PCDHGA3: variants seen among roughly 807,000 people sequenced by gnomAD.
PCDHGA3 encodes the protein protocadherin gamma subfamily A, 3, also known as protocadherin gamma-A3.
In PCDHGA3, 40 loss-of-function variants were observed where a neutral mutation model predicts 58.5. The ratio of observed to expected loss-of-function variants is 0.68; its 90% CI spans 0.53 to 0.89. The LOEUF (loss-of-function observed/expected upper bound fraction) is 0.89. Ranked by LOEUF, PCDHGA3 falls within the 40% of genes least tolerant of loss-of-function variation. The pLI, the probability that PCDHGA3 is intolerant of heterozygous loss-of-function variation, is 0.00. For synonymous variants in PCDHGA3, 530 were observed against 525.7 expected (o/e 1.01, Z -0.11); for missense variants, 1,223 against 1,195.9 (o/e 1.02, Z -0.33).
chr5:141,423,149 A>G (rs763488632), intron 1 of PCDHGA3: 2 of 1,613,554 alleles, frequency 1.2e-6, no homozygotes, highest in Non-Finnish European at 8.5e-7. Context: ...GCGCTCAAGC[A>G]GAGCCTCGTG....
chr5:141,422,338 A>C, intron 1 of PCDHGA3: 1 of 1,550,090 alleles, frequency 6.5e-7, no homozygotes, highest in Non-Finnish European at 8.7e-7. Flanking sequence ...TGCTCTTCTA[A>C]ATGTGCAAGA....
Position 141,366,042 on chromosome 5 carries a change from G to T in PCDHGA3, c.2424+19585G>T, listed in dbSNP as rs1221134506. 8.1e-6 allele frequency: 13 copies of T among 1,614,242 alleles called. No individual in the cohort carries two copies. In the Middle Eastern group the frequency reaches 4.9e-4, roughly 61 times the overall value. The stretch of plus-strand genomic sequence containing the variant: ...CTGTACCCCGCCCTCCCCACAGACG[G>T]TTCCACGGGCGTGGAGCTGGCGCCT... On this transcript the variant is annotated intron_variant, in intron 1 of 3. Transcript: ENST00000253812.
At chr5:141,358,959 G>T (rs190697556) in intron 1 of PCDHGA3, among the ~76,000 whole-genome samples, 1 of 152,196 alleles carries the variant, frequency 6.6e-6, no homozygotes, top group Admixed American at 6.5e-5. Context: ...CTTTCATTTA[G>T]GTTCTGTGAG....
chr5:141,443,788 A>C (rs1468852602), intron 1 of PCDHGA3, among the ~76,000 whole-genome samples: 2 of 152,224 alleles, frequency 1.3e-5, no homozygotes, highest in African/African-American at 4.8e-5. Context: ...AGACAAAAAA[A>C]ATGAAAAGGA....
intron 1 of PCDHGA3, chr5:141,413,618 A>C (rs1188549125): frequency 6.2e-7 from 1 of 1,613,916 alleles, no homozygotes; most frequent in Admixed American, 1.7e-5. Context: ...AAAATTAATG[A>C]AAATGTCGCT....
chr5:141,511,598 A>C lies in PCDHGA3; in HGVS notation c.*425A>C. ...GGTTGGGGTGTTGAAGTACCAAGTA[A>C]CCTACAAGCCTCCTAGTTCTGAAAA... On this transcript the variant is annotated 3_prime_UTR_variant, in exon 4 of 4. Transcript: ENST00000253812. 3.9e-6 allele frequency: 1 copy of C among 255,742 alleles called. No individual in the cohort carries two copies. The highest frequency in any genetic ancestry group is 7.8e-6 in the Non-Finnish European group (1 of 127,952). The allele number at this position is 255,742 out of a possible 1,614,324, so 15.8% of individuals were successfully genotyped here.
intron 1 of PCDHGA3, chr5:141,394,893 G>T: frequency 4.3e-6 from 7 of 1,613,858 alleles, no homozygotes; most frequent in Non-Finnish European, 5.9e-6. Flanking sequence ...ACTCTATCTC[G>T]TGGTGGCAGT....
In PCDHGA3 at chr5:141,476,659, G is replaced by A; in HGVS notation, c.2425-18148G>A. On this transcript the variant is annotated intron_variant, in intron 1 of 3. Coordinates refer to ENST00000253812, the MANE Select transcript of PCDHGA3 (RefSeq NM_018916.4). The surrounding 1 kb of genome is among the most constrained non-coding windows in gnomAD (Gnocchi z 7.6). ...AGCTGAGCCGAAATGAATACTTTGC[G>A]CTTCGCGTGCAGACGCGGGAGGACA... 2 of 1,614,252 alleles carry A rather than the reference G, an allele frequency of 1.2e-6. No homozygotes were observed. Among genetic ancestry groups the A allele is most frequent in the Non-Finnish European group, 8.5e-7 (1 of 1,180,048 alleles).
At chr5:141,381,269 G>A (rs1777099951) in intron 1 of PCDHGA3, among the ~76,000 whole-genome samples, 1 of 152,224 alleles carries the variant, frequency 6.6e-6, no homozygotes, top group Admixed American at 6.5e-5. Flanking sequence ...AACCAAGACT[G>A]TTTCTTGCCA....
chr5:141,361,424 C>G, intron 1 of PCDHGA3: 1 of 1,614,030 alleles, frequency 6.2e-7, no homozygotes, highest in Non-Finnish European at 8.5e-7. Context: ...GGGGGCAAGC[C>G]GCCCCTCTCC....
Position 141,423,756 on chromosome 5 carries a change from G to GA in PCDHGA3, c.2425-71051_2425-71050insA. ...GCCTGTTATGAAAACTGTTTGGGGGGGGGGTGGGGCGGCATATATTTAGTT... is the reference window on the plus strand; with the variant it reads ...GCCTGTTATGAAAACTGTTTGGGGGGAGGGGTGGGGCGGCATATATTTAGTT... On this transcript the variant is annotated intron_variant, in intron 1 of 3. Transcript: ENST00000253812. 2 of 448,622 alleles carry GA rather than the reference G, an allele frequency of 4.5e-6. 1 individual carries two copies. The highest frequency in any genetic ancestry group is 6.1e-6 in the Non-Finnish European group (2 of 329,708). 27.8% of individuals were successfully genotyped at this position (448,622 alleles called of 1,614,324 possible). A position where few individuals can be genotyped will look rare whatever the true frequency, so the allele number is the denominator to read the frequency against.
At chr5:141,375,541 A>C (rs566370523) in intron 1 of PCDHGA3, 1 of 1,613,904 alleles carries the variant, frequency 6.2e-7, no homozygotes, top group South Asian at 1.1e-5. Flanking sequence ...AGAACGCCCA[A>C]GTCTCCTACT....
rs1225473275 is a variant in PCDHGA3 at position 141,512,442 on chromosome 5, TC to T, written c.*1271del. ...GGCCCCTGCCCTCCTGAAGCCTCAG[TC>T]CTTCACCTTGCCAGGTGCCGTTTCT... is the stretch of plus-strand genomic sequence containing the variant. On this transcript the variant is annotated 3_prime_UTR_variant, in exon 4 of 4. Transcript: ENST00000253812. 1 of 152,892 alleles carries T rather than the reference TC, an allele frequency of 6.5e-6. No individual in the cohort carries two copies. Among genetic ancestry groups the T allele is most frequent in the African/African-American group, 2.4e-5 (1 of 41,466 alleles). 9.5% of individuals were successfully genotyped at this position (152,892 alleles called of 1,614,324 possible).
At position 141,511,127 on chromosome 5, in the gene PCDHGA3, G is replaced by C; in HGVS notation, c.2753G>C (p.Gly918Ala). 1 of 1,614,194 alleles carries C rather than the reference G, an allele frequency of 6.2e-7. No individual in the cohort carries two copies. Among genetic ancestry groups the C allele is most frequent in the Non-Finnish European group, 8.5e-7 (1 of 1,180,018 alleles). The change falls in exon 4 of 4, where the codon GGT becomes GCT. Residue 918 changes from glycine to alanine, a missense_variant. Coordinates refer to ENST00000253812, the MANE Select transcript of PCDHGA3 (RefSeq NM_018916.4). ...AGKRDGKAPA[G>A]GNGNKKKSGK... ...AAGCGGGATGGCAAGGCCCCAGCAG[G>C]TGGCAATGGCAACAAGAAGAAGTCG...
Position 141,432,201 on chromosome 5 carries a change from G to T in PCDHGA3, c.2425-62606G>T, listed in dbSNP as rs761075658. On this transcript the variant is annotated intron_variant, in intron 1 of 3. Transcript: ENST00000253812. This position sits in a 1 kb window ranked among gnomAD's most constrained non-coding sequence, Gnocchi z 6.0. ...TCTGTGACCGCCCACGACCCCGACT[G>T]TGAAGAGAACGCCCAGATCACTTAT... 1.8e-5 allele frequency: 29 copies of T among 1,614,092 alleles called. No homozygotes were observed. The South Asian group carries it at 2.9e-4, about 16-fold the overall frequency.
At position 141,491,489 on chromosome 5, in the gene PCDHGA3, A is replaced by T; in HGVS notation, c.2425-3318A>T. 1.2e-6 allele frequency: 2 copies of T among 1,614,130 alleles called. No individual in the cohort carries two copies. Among genetic ancestry groups the T allele is most frequent in the Non-Finnish European group, 1.7e-6 (2 of 1,180,018 alleles). On this transcript the variant is annotated intron_variant, in intron 1 of 3. Coordinates refer to ENST00000253812, the MANE Select transcript of PCDHGA3 (RefSeq NM_018916.4). This position sits in a 1 kb window ranked among gnomAD's most constrained non-coding sequence, Gnocchi z 6.9. ...TATAAGCAGTCCAGCCCCAACCTGC[A>T]GGTGAGCTCGGACGGCACGCTCAAG... is the stretch of plus-strand genomic sequence containing the variant.
chr5:141,415,605 G>GGT, intron 1 of PCDHGA3: 1 of 1,613,122 alleles, frequency 6.2e-7, no homozygotes. Context: ...ATACCCCATT[G>GGT]GTTCCAGTGA....
Position 141,345,457 on chromosome 5 carries a change from C to A in PCDHGA3, c.1424C>A (p.Thr475Lys). The change falls in exon 1 of 4, where the codon ACA becomes AAA. Residue 475 changes from threonine to lysine, a missense_variant. By Grantham distance (78) the Thr-to-Lys change is moderately conservative (BLOSUM62 -1). Around this residue, in one of 3 missense-constraint regions of PCDHGA3, gnomAD observed 791 missense variants for 708.5 expected, o/e 1.12. Transcript: ENST00000253812. ...AGAGGAGCCTCCATCTTCTCAGTGA[C>A]AGCCCAGGACCCAGATAGCAACAAC... ...NPRGASIFSV[T>K]AQDPDSNNNA... 1 of 1,614,160 alleles carries A rather than the reference C, an allele frequency of 6.2e-7. No homozygotes were observed. The highest frequency in any genetic ancestry group is 8.5e-7 in the Non-Finnish European group (1 of 1,180,042).
chr5:141,361,066 A>C (rs1761866525), intron 1 of PCDHGA3: 2 of 1,613,958 alleles, frequency 1.2e-6, no homozygotes, highest in Non-Finnish European at 1.7e-6. Flanking sequence ...GGATTTTGAG[A>C]TTGCAAGTAG....
Sources: allele counts gnomAD v4.1 joint callset (sites outside exome capture counted in the v4.1 genomes callset), GRCh38; gene constraint gnomAD v4.1.1; regional missense constraint gnomAD v4.1.1; non-coding constraint Gnocchi (gnomAD v3.1); transcripts MANE v1.5; gene names NCBI Gene and HGNC (gene_info 2026-07-23, HGNC 2026-07-21).